Variants in CAMK2D observed in about 807,000 individuals in gnomAD.
The protein encoded by CAMK2D is calcium/calmodulin-dependent protein kinase type II subunit delta.
Under a neutral mutation model 84.0 loss-of-function variants are expected in CAMK2D, and 37 were observed. The observed-to-expected ratio is 0.44, with a 90% CI of 0.34 to 0.58. CAMK2D has a LOEUF of 0.58. Ranked by LOEUF, CAMK2D falls within the 20% of genes least tolerant of loss-of-function variation. CAMK2D has a pLI of 0.02. For synonymous variants in CAMK2D, 202 were observed against 212.5 expected (o/e 0.95, Z 0.43); for missense variants, 448 against 652.5 (o/e 0.69, Z 3.41).
chr4:113,526,738 A>G lies in CAMK2D; in HGVS notation c.601+4478T>C, dbSNP rs149786156. ...TCAAATATTCCAAAGTAATATTAAA[A>G]TTGAACATAGTGTGTTTTGTGAGTC... On this transcript the variant is annotated intron_variant, in intron 8 of 20. Transcript: ENST00000511664. Among the ~76,000 whole-genome samples, 5 of 152,254 alleles carry G rather than the reference A, an allele frequency of 3.3e-5. No individual in the cohort carries two copies. The East Asian group carries it at 9.6e-4, about 29-fold the overall frequency.
chr4:113,534,704 A>G (rs2098478276), intron 7 of CAMK2D, among the ~76,000 whole-genome samples: 1 of 152,224 alleles, frequency 6.6e-6, no homozygotes, highest in Admixed American at 6.5e-5. Flanking sequence ...TTTCACACCA[A>G]GACAATTTTG....
chr4:113,594,184 C>A (rs184843185), intron 4 of CAMK2D, among the ~76,000 whole-genome samples: 66 of 152,282 alleles, frequency 4.3e-4, no homozygotes, highest in African/African-American at 1.4e-3. Flanking sequence ...CAGGAGAACT[C>A]ACTCCTTATC....
intron 2 of CAMK2D, among the ~76,000 whole-genome samples, chr4:113,711,165 A>T (rs2099491184): frequency 6.7e-6 from 1 of 149,248 alleles, no homozygotes; most frequent in Non-Finnish European, 1.5e-5. Flanking sequence ...TATATTAGTA[A>T]ATCTATAAAT....
chr4:113,701,863 T>C (rs1178031351), intron 2 of CAMK2D, among the ~76,000 whole-genome samples: 1 of 152,100 alleles, frequency 6.6e-6, no homozygotes, highest in Non-Finnish European at 1.5e-5. Flanking sequence ...GCATGCGCCA[T>C]GATGCCCAGC....
intron 4 of CAMK2D, among the ~76,000 whole-genome samples, chr4:113,575,925 T>C (rs1159385142): frequency 1.3e-5 from 2 of 152,202 alleles, no homozygotes; most frequent in East Asian, 3.8e-4. Context: ...AAGTAGGAAT[T>C]TGAAGCATAA....
intron 4 of CAMK2D, among the ~76,000 whole-genome samples, chr4:113,581,573 C>G (rs728061): frequency 0.72 from 106,958 of 147,650 alleles, 39,029 homozygotes; most frequent in Middle Eastern, 0.78. Flanking sequence ...TATGTGTTAA[C>G]TTAGTCCTTA....
chr4:113,454,627 T>C (rs2097283256), intron 20 of CAMK2D, 112 bp from the exon 21 acceptor site: 6 of 691,506 alleles, frequency 8.7e-6, no homozygotes, highest in Admixed American at 4.0e-5. Flanking sequence ...GGCTAACAAA[T>C]AGATTGAAAA....
intron 3 of CAMK2D, among the ~76,000 whole-genome samples, chr4:113,660,834 GT>G (rs1396155790): frequency 1.5e-5 from 2 of 131,418 alleles, no homozygotes; most frequent in Non-Finnish European, 3.1e-5. Flanking sequence ...TCGCTCTCTC[GT>G]CCCAGGCTGG....
At chr4:113,712,222 T>C (rs373383423) in intron 2 of CAMK2D, among the ~76,000 whole-genome samples, 2 of 152,214 alleles carry the variant, frequency 1.3e-5, no homozygotes, top group East Asian at 3.9e-4. Context: ...AGAAGCAAAC[T>C]TGAGAAAAGC....
chr4:113,466,597 A>G (rs2097472990), intron 16 of CAMK2D, among the ~76,000 whole-genome samples: 1 of 152,220 alleles, frequency 6.6e-6, no homozygotes, highest in Admixed American at 6.5e-5. Flanking sequence ...ATATGAATCA[A>G]TACTGTAGAT....
Position 113,672,332 on chromosome 4 carries a change from T to C in CAMK2D, c.161-10560A>G, listed in dbSNP as rs1461966367. Among the ~76,000 whole-genome samples, 4 of 152,188 alleles carry C rather than the reference T, an allele frequency of 2.6e-5. No homozygotes were observed. The East Asian group carries it at 5.8e-4, about 22-fold the overall frequency. ...ATGACAAAAAAGCAAATCTTATACATGTGTAAAGGTATATTTATTCCTCTC... is the reference window on the plus strand; with the variant it reads ...ATGACAAAAAAGCAAATCTTATACACGTGTAAAGGTATATTTATTCCTCTC... On this transcript the variant is annotated intron_variant, in intron 2 of 20. Coordinates refer to ENST00000511664, the MANE Select transcript of CAMK2D (RefSeq NM_001321571.2).
intron 2 of CAMK2D, among the ~76,000 whole-genome samples, chr4:113,753,325 T>C (rs763381380): frequency 4.6e-5 from 7 of 151,954 alleles, no homozygotes; most frequent in Non-Finnish European, 1.0e-4. Context: ...GCATTATTGA[T>C]TTTGGTAGTA....
At chr4:113,629,303 C>A (rs780542924) in intron 3 of CAMK2D, among the ~76,000 whole-genome samples, 2 of 151,994 alleles carry the variant, frequency 1.3e-5, no homozygotes, top group Admixed American at 6.6e-5. Flanking sequence ...TCTGAGCAAC[C>A]ATTTTTGCCA....
chr4:113,479,799 A>G (rs1339795320), intron 16 of CAMK2D, among the ~76,000 whole-genome samples: 1 of 152,160 alleles, frequency 6.6e-6, no homozygotes, highest in Non-Finnish European at 1.5e-5. Context: ...TTCTCTCTGG[A>G]TTTATGGACT....
intron 2 of CAMK2D, among the ~76,000 whole-genome samples, chr4:113,733,362 G>A (rs1281646462): frequency 6.6e-6 from 1 of 152,112 alleles, no homozygotes; most frequent in Non-Finnish European, 1.5e-5. Context: ...GTTTTAAAAT[G>A]CCTAGGCATG....
chr4:113,605,357 GCACATAAAT>G (rs2098972557), intron 4 of CAMK2D, among the ~76,000 whole-genome samples: 1 of 152,144 alleles, frequency 6.6e-6, no homozygotes, highest in African/African-American at 2.4e-5. Context: ...GAACTCCCAT[GCACATAAAT>G]ATTAATACAA....
At chr4:113,492,491 A>G (rs1202966317) in intron 16 of CAMK2D, among the ~76,000 whole-genome samples, 1 of 152,182 alleles carries the variant, frequency 6.6e-6, no homozygotes, top group African/African-American at 2.4e-5. Context: ...GTTTGATTGC[A>G]CTGTGGTCTG....
intron 2 of CAMK2D, among the ~76,000 whole-genome samples, chr4:113,715,172 GA>G (rs2099509689): frequency 6.6e-6 from 1 of 151,860 alleles, no homozygotes; most frequent in East Asian, 1.9e-4. Context: ...AGGTGTATAG[GA>G]ACACTTAATT....
At chr4:113,619,941 T>G (rs2099038357) in intron 3 of CAMK2D, among the ~76,000 whole-genome samples, 1 of 152,126 alleles carries the variant, frequency 6.6e-6, no homozygotes, top group African/African-American at 2.4e-5. Flanking sequence ...ATAATCTATG[T>G]GGCTAAGTAA....
Sources: gnomAD v4.1 joint callset for allele counts (sites outside exome capture counted in the v4.1 genomes callset) on GRCh38, gnomAD v4.1.1 for gene constraint, MANE v1.5 for transcripts, NCBI Gene and HGNC (gene_info 2026-07-23, HGNC 2026-07-21) for gene names.